SUPT3H: variants seen among roughly 807,000 people sequenced by gnomAD.
The protein encoded by SUPT3H is transcription initiation protein SPT3 homolog.
In SUPT3H, 44 loss-of-function variants were observed where a neutral mutation model predicts 44.3. The observed-to-expected ratio is 0.99, with a 90% confidence interval of 0.78 to 1.28. SUPT3H has a LOEUF of 1.28. Ranked by LOEUF, SUPT3H falls within the 50% of genes most tolerant of loss-of-function variation. The pLI, the probability that SUPT3H is intolerant of heterozygous loss-of-function variation, is 0.00. For synonymous variants in SUPT3H, 124 were observed against 125.6 expected (o/e 0.99, Z 0.09); for missense variants, 380 against 387.1 (o/e 0.98, Z 0.15).
chr6:45,163,609 T>C (rs1385752615), intron 2 of SUPT3H, among the ~76,000 whole-genome samples: 2 of 152,156 alleles, frequency 1.3e-5, no homozygotes, highest in Admixed American at 1.3e-4. Context: ...TGACTGTCAG[T>C]AGGTGGTTGC....
At chr6:45,340,695 T>A (rs757796098) in intron 2 of SUPT3H, among the ~76,000 whole-genome samples, 3 of 152,116 alleles carry the variant, frequency 2.0e-5, no homozygotes, top group African/African-American at 2.4e-5. Flanking sequence ...TAATTAATAG[T>A]CTTAATGTCC....
intron 2 of SUPT3H, chr6:45,323,078 T>C (rs970854679): frequency 4.6e-6 from 3 of 658,942 alleles, no homozygotes; most frequent in East Asian, 3.0e-5. Context: ...ACTGTGCCGG[T>C]TGTGAAACAA....
Position 44,827,918 on chromosome 6 carries a change from CAT to C in SUPT3H, c.*1896_*1897del, listed in dbSNP as rs1266110858. On this transcript the variant is annotated 3_prime_UTR_variant, in exon 11 of 11. Coordinates refer to ENST00000371459, the MANE Select transcript of SUPT3H (RefSeq NM_003599.4). Reference sequence around the variant, plus strand: ...TGTCAGACTGTTCAAGATAGACAAACATATGCCAGACCAACAAAAACACAGAC... The same window carrying C: ...TGTCAGACTGTTCAAGATAGACAAACATGCCAGACCAACAAAAACACAGAC... 2.0e-5 allele frequency among the ~76,000 whole-genome samples: 3 copies of C among 152,146 alleles called. No individual in the cohort carries two copies. The highest frequency in any genetic ancestry group is 2.1e-4 in the South Asian group (1 of 4,824).
intron 2 of SUPT3H, among the ~76,000 whole-genome samples, chr6:45,260,723 T>C (rs1406939982): frequency 6.6e-6 from 1 of 151,986 alleles, no homozygotes; most frequent in African/African-American, 2.4e-5. Flanking sequence ...TTATGAAAAA[T>C]AAAAAGCTCC....
chr6:44,982,877 G>A (rs895997318), intron 6 of SUPT3H, among the ~76,000 whole-genome samples: 2 of 152,160 alleles, frequency 1.3e-5, no homozygotes, highest in African/African-American at 2.4e-5. Flanking sequence ...GCTTCAAATA[G>A]TTCCTCCTAG....
intron 3 of SUPT3H, among the ~76,000 whole-genome samples, chr6:45,061,138 C>T (rs569240465): frequency 2.6e-5 from 4 of 152,218 alleles, no homozygotes; most frequent in Admixed American, 2.0e-4. Context: ...TATAAAGATA[C>T]ATGCATGTTT....
At chr6:44,955,913 G>T (rs1775069626) in intron 7 of SUPT3H, among the ~76,000 whole-genome samples, 1 of 151,764 alleles carries the variant, frequency 6.6e-6, no homozygotes, top group Admixed American at 6.6e-5. Context: ...GAGGTCAGGA[G>T]ATCGAGACCA....
At chr6:44,831,419 A>G (rs955738486) in intron 10 of SUPT3H, among the ~76,000 whole-genome samples, 5 of 152,178 alleles carry the variant, frequency 3.3e-5, no homozygotes, top group African/African-American at 9.7e-5. Context: ...TGAATGCCTC[A>G]GAGAGCCACA....
At chr6:45,348,211 A>G (rs930173362) in intron 2 of SUPT3H, among the ~76,000 whole-genome samples, 3 of 152,140 alleles carry the variant, frequency 2.0e-5, no homozygotes, top group African/African-American at 4.8e-5. Context: ...ATAGCAGTTA[A>G]AAGTCTGACT....
intron 3 of SUPT3H, among the ~76,000 whole-genome samples, chr6:45,091,268 T>G (rs1325651886): frequency 6.6e-6 from 1 of 152,012 alleles, no homozygotes; most frequent in African/African-American, 2.4e-5. Context: ...ATTTGTATTT[T>G]CCACACCAAA....
At chr6:44,870,765 G>C (rs581852) in intron 10 of SUPT3H, among the ~76,000 whole-genome samples, 56,405 of 146,956 alleles carry the variant, frequency 0.38, 12,012 homozygotes, top group Non-Finnish European at 0.47. Context: ...GAGTGCCAGA[G>C]AGTGGGCGCA....
chr6:45,202,798 A>T (rs1371061151), intron 2 of SUPT3H, among the ~76,000 whole-genome samples: 1 of 152,114 alleles, frequency 6.6e-6, no homozygotes. Flanking sequence ...GAGCAAATTG[A>T]TTTAACAGAG....
intron 2 of SUPT3H, among the ~76,000 whole-genome samples, chr6:45,327,598 G>A (rs917481112): frequency 2.0e-5 from 3 of 151,792 alleles, no homozygotes; most frequent in African/African-American, 4.8e-5. Context: ...TGTAAAGGCC[G>A]CCATCTAATA....
chr6:45,136,072 T>G (rs1327228151), intron 2 of SUPT3H, among the ~76,000 whole-genome samples: 1 of 152,088 alleles, frequency 6.6e-6, no homozygotes, highest in Admixed American at 6.6e-5. Flanking sequence ...ATAAGAGCCA[T>G]GAAAAACTTA....
intron 9 of SUPT3H, among the ~76,000 whole-genome samples, chr6:44,950,588 A>C (rs1774125836): frequency 6.6e-6 from 1 of 152,082 alleles, no homozygotes; most frequent in African/African-American, 2.4e-5. Flanking sequence ...TAGCCACTGC[A>C]CTCCAGCCTG....
At chr6:44,949,008 T>C (rs1409623054) in intron 9 of SUPT3H, among the ~76,000 whole-genome samples, 1 of 152,158 alleles carries the variant, frequency 6.6e-6, no homozygotes, top group African/African-American at 2.4e-5. Context: ...CCAACAATGA[T>C]AGACTGGATT....
At chr6:45,293,078 C>T (rs1001568486) in intron 2 of SUPT3H, among the ~76,000 whole-genome samples, 2 of 152,002 alleles carry the variant, frequency 1.3e-5, no homozygotes. Flanking sequence ...ACAGACCACA[C>T]AATGGGGCAC....
At chr6:44,894,894 AT>A (rs1561986839) in intron 10 of SUPT3H, among the ~76,000 whole-genome samples, 1 of 151,866 alleles carries the variant, frequency 6.6e-6, no homozygotes, top group Non-Finnish European at 1.5e-5. Context: ...CAATCTAATA[AT>A]TGAGCATTAT....
chr6:45,150,038 A>C (rs1175129968), intron 2 of SUPT3H, among the ~76,000 whole-genome samples: 2 of 151,872 alleles, frequency 1.3e-5, no homozygotes, highest in East Asian at 3.8e-4. Context: ...CCCAGCATCA[A>C]TGTTTTTTTT....
Sources: gnomAD v4.1 joint callset for allele counts (sites outside exome capture counted in the v4.1 genomes callset) on GRCh38, gnomAD v4.1.1 for gene constraint, MANE v1.5 for transcripts, NCBI Gene and HGNC (gene_info 2026-07-23, HGNC 2026-07-21) for gene names.